Variants in STK3 observed in about 807,000 individuals in gnomAD.
STK3 encodes serine/threonine-protein kinase 3.
Under a neutral mutation model 58.0 loss-of-function variants are expected in STK3, and 41 were observed. The observed-to-expected ratio is 0.71, with a 90% CI of 0.55 to 0.92. STK3 has a LOEUF of 0.92. Among genes scored for constraint, STK3 ranks in the 40% least tolerant of loss-of-function variants. STK3 has a pLI of 0.00. For synonymous variants in STK3, 170 were observed against 191.0 expected (o/e 0.89, Z 0.91); for missense variants, 479 against 602.7 (o/e 0.79, Z 2.15).
intron 9 of STK3, among the ~76,000 whole-genome samples, chr8:98,534,801 C>T (rs1809625044): frequency 6.6e-6 from 1 of 152,130 alleles, no homozygotes; most frequent in South Asian, 2.1e-4. Context: ...AGGAATTTAA[C>T]CTGTTATTCT....
In STK3 at chr8:98,587,238, G is replaced by A. The variant is rs535751530; in HGVS notation, c.823-7449C>T. Among the ~76,000 whole-genome samples, 46 of 152,108 alleles carry A rather than the reference G, an allele frequency of 3.0e-4. No individual in the cohort carries two copies. The East Asian group carries it at 3.5e-3, about 11-fold the overall frequency. On this transcript the variant is annotated intron_variant, in intron 7 of 10. Coordinates refer to ENST00000419617, the MANE Select transcript of STK3 (RefSeq NM_006281.4). ...CTGCTTTCTCTTGTGGGCATTTAGC[G>A]CTATAAATTTCCCTCTACACACTGC...
chr8:98,461,382 T>G (rs1819962113), intron 10 of STK3, among the ~76,000 whole-genome samples: 1 of 152,222 alleles, frequency 6.6e-6, no homozygotes, highest in Non-Finnish European at 1.5e-5. Flanking sequence ...TCCTTATGTG[T>G]TGGGTAAGTC....
intron 9 of STK3, among the ~76,000 whole-genome samples, chr8:98,533,081 C>T (rs1826290783): frequency 6.6e-6 from 1 of 152,088 alleles, no homozygotes; most frequent in South Asian, 2.1e-4. Context: ...GTATATACTA[C>T]ATTTTGCTTA....
chr8:98,650,257 G>A (rs776681344), intron 6 of STK3, among the ~76,000 whole-genome samples: 6 of 152,114 alleles, frequency 3.9e-5, no homozygotes, highest in Non-Finnish European at 8.8e-5. Context: ...ACTAAATAAC[G>A]ATAATGATAA....
chr8:98,826,970 C>A (rs1835336834), upstream of STK3, among the ~76,000 whole-genome samples: 1 of 134,104 alleles, frequency 7.5e-6, no homozygotes, highest in South Asian at 2.3e-4. Flanking sequence ...TTGCTTTTAA[C>A]CTTAAATTCC....
intron 3 of STK3, among the ~76,000 whole-genome samples, chr8:98,410,855 T>C (rs1818045721): frequency 6.6e-6 from 1 of 152,074 alleles, no homozygotes; most frequent in African/African-American, 2.4e-5. Flanking sequence ...TCTAAGTGTT[T>C]CTTTTCACTT....
downstream of STK3, chr8:98,879,733 A>C (rs1049065721): frequency 1.7e-4 from 26 of 152,242 alleles, no homozygotes; most frequent in African/African-American, 6.0e-4. Flanking sequence ...GTATTAATTC[A>C]TATCTCAAAA....
intron 1 of STK3, among the ~76,000 whole-genome samples, chr8:98,912,191 C>A (rs1000591339): frequency 3.3e-5 from 5 of 152,148 alleles, no homozygotes; most frequent in African/African-American, 1.2e-4. Context: ...TGAGCCTGAT[C>A]AACATGGCAA....
chr8:98,411,186 A>G (rs1818051945), intron 3 of STK3, among the ~76,000 whole-genome samples: 1 of 152,238 alleles, frequency 6.6e-6, no homozygotes, highest in Non-Finnish European at 1.5e-5. Flanking sequence ...CTTGAGGAAA[A>G]AATGAAGATT....
intron 1 of STK3, among the ~76,000 whole-genome samples, chr8:98,795,060 C>G (rs1335457664): frequency 1.3e-5 from 1 of 78,994 alleles, no homozygotes; most frequent in Non-Finnish European, 2.2e-5. Context: ...AAGAGCCAGA[C>G]AAGAGCAAAA....
At chr8:98,716,692 T>C (rs1827043935) in intron 4 of STK3, among the ~76,000 whole-genome samples, 1 of 152,118 alleles carries the variant, frequency 6.6e-6, no homozygotes. Flanking sequence ...AAAATTTGTA[T>C]GAAATCTCAA....
chr8:98,634,407 G>C (rs1199603517), intron 6 of STK3, among the ~76,000 whole-genome samples: 2 of 152,050 alleles, frequency 1.3e-5, no homozygotes, highest in Admixed American at 1.3e-4. Flanking sequence ...GGCTGAGGTG[G>C]GAGGATCACT....
intron 6 of STK3, among the ~76,000 whole-genome samples, chr8:98,619,640 C>G (rs1818083627): frequency 1.7e-5 from 2 of 116,222 alleles, no homozygotes; most frequent in Admixed American, 1.8e-4. Flanking sequence ...ACAACCCCAT[C>G]AAAAAGTGGG....
In STK3 at chr8:98,454,896, T is replaced by A. The variant is rs1425753552; in HGVS notation, c.*946A>T. The A allele has an allele frequency of 5.2e-5, 8 of 152,438 alleles. No individual in the cohort carries two copies. The highest frequency in any genetic ancestry group is 1.0e-4 in the Non-Finnish European group (7 of 68,012). The allele number at this position is 152,438 out of a possible 1,614,324, so 9.4% of individuals were successfully genotyped here. A position where few individuals can be genotyped will look rare whatever the true frequency, so the allele number is the denominator to read the frequency against. ...TCATCAGGAACATGATGTTTACCAA[T>A]TCCCAGGAAATGAATAAAATCAACA... On this transcript the variant is annotated 3_prime_UTR_variant, in exon 11 of 11. Coordinates refer to ENST00000419617, the MANE Select transcript of STK3 (RefSeq NM_006281.4).
At chr8:98,450,551 C>T (rs188872143), downstream of STK3, among the ~76,000 whole-genome samples, 4 of 152,278 alleles carry the variant, frequency 2.6e-5, no homozygotes, top group African/African-American at 7.2e-5. Context: ...AGGCTCCTTC[C>T]GCCATGCTGA....
intron 6 of STK3, chr8:98,597,123 G>C: frequency 3.6e-6 from 1 of 280,706 alleles, no homozygotes; most frequent in Non-Finnish European, 5.4e-6. Flanking sequence ...CAGAATTCAA[G>C]AAATAAGAAA....
At chr8:98,663,037 A>G (rs1822079007) in intron 6 of STK3, among the ~76,000 whole-genome samples, 1 of 152,230 alleles carries the variant, frequency 6.6e-6, no homozygotes, top group East Asian at 1.9e-4. Flanking sequence ...ATGGGATCTA[A>G]TTAAATTAAA....
At chr8:98,841,097 T>G (rs1040867788) in intron 3 of STK3, among the ~76,000 whole-genome samples, 8 of 152,292 alleles carry the variant, frequency 5.3e-5, no homozygotes, top group African/African-American at 1.9e-4. Context: ...AGTGAACAAG[T>G]GGAGAGAAGA....
chr8:98,444,466 A>G (rs1279977174), intron 1 of STK3, among the ~76,000 whole-genome samples: 1 of 152,218 alleles, frequency 6.6e-6, no homozygotes, highest in East Asian at 1.9e-4. Context: ...CACAGAGCCC[A>G]GTTAAGGGGC....
Sources: gnomAD v4.1 joint callset for allele counts (sites outside exome capture counted in the v4.1 genomes callset) on GRCh38, gnomAD v4.1.1 for gene constraint, MANE v1.5 for transcripts, NCBI Gene and HGNC (gene_info 2026-07-23, HGNC 2026-07-21) for gene names.